ADGRL3: variants seen among roughly 807,000 people sequenced by gnomAD.
ADGRL3 encodes calcium-independent alpha-latrotoxin receptor 3.
In ADGRL3, 62 loss-of-function variants were observed where a neutral mutation model predicts 153.5. That is an observed-to-expected ratio of 0.40 (90% CI 0.33 to 0.50). The LOEUF (loss-of-function observed/expected upper bound fraction) is 0.50, where lower values mean the gene tolerates loss of function less well. ADGRL3 is among the 20% of genes least tolerant of loss of function. The probability of loss-of-function intolerance (pLI) is 0.47; values close to 1 mark genes in which losing one functional copy is unlikely to be tolerated. For synonymous variants in ADGRL3, 710 were observed against 672.5 expected, an observed-to-expected ratio of 1.06 and a Z score of -0.86; for missense variants, 1,641 against 1,859.4, an observed-to-expected ratio of 0.88 and a Z score of 2.16.
intron 9 of ADGRL3, among the ~76,000 whole-genome samples, chr4:61,876,981 A>G (rs2098479761): frequency 6.6e-6 from 1 of 152,006 alleles, no homozygotes; most frequent in Admixed American, 6.6e-5. Flanking sequence ...AGTACACAGG[A>G]AATAAACCCA....
At chr4:61,883,026 G>A (rs2149495839) in intron 9 of ADGRL3, among the ~76,000 whole-genome samples, 1 of 152,308 alleles carries the variant, frequency 6.6e-6, no homozygotes, top group African/African-American at 2.4e-5. Flanking sequence ...TGAGTCAGGA[G>A]AATTGCTTGA....
At chr4:61,755,007 T>A (rs1015239001) in intron 8 of ADGRL3, among the ~76,000 whole-genome samples, 1 of 152,190 alleles carries the variant, frequency 6.6e-6, no homozygotes, top group African/African-American at 2.4e-5. Context: ...ATTTTCTTAA[T>A]CCAGTCTATC....
chr4:61,755,548 A>AT (rs1554021629), intron 8 of ADGRL3, among the ~76,000 whole-genome samples: 1 of 151,690 alleles, frequency 6.6e-6, no homozygotes, highest in Non-Finnish European at 1.5e-5. Context: ...GATTGCAAAA[A>AT]TTTTCTCCCG....
At chr4:61,902,615 C>T (rs2098670726) in intron 11 of ADGRL3, among the ~76,000 whole-genome samples, 1 of 152,084 alleles carries the variant, frequency 6.6e-6, no homozygotes, top group Admixed American at 6.6e-5. Flanking sequence ...GCTGCCTAAA[C>T]TCCAGATATG....
chr4:61,826,060 A>G (rs1200875958), intron 9 of ADGRL3, among the ~76,000 whole-genome samples: 1 of 152,210 alleles, frequency 6.6e-6, no homozygotes. Flanking sequence ...ACAATAGTGA[A>G]TGCCTAGGAG....
At chr4:61,451,391 A>G (rs1037132217) in intron 2 of ADGRL3, among the ~76,000 whole-genome samples, 5 of 152,198 alleles carry the variant, frequency 3.3e-5, no homozygotes, top group Non-Finnish European at 5.9e-5. Flanking sequence ...GGAAGGATTT[A>G]TAAGCTTATG....
At chr4:61,399,253 A>T (rs1271255436) in intron 2 of ADGRL3, among the ~76,000 whole-genome samples, 3 of 151,692 alleles carry the variant, frequency 2.0e-5, no homozygotes, top group Non-Finnish European at 4.4e-5. Flanking sequence ...AAATATGTAA[A>T]ATGCTCAGGA....
chr4:61,724,541 G>A (rs1263762147), intron 6 of ADGRL3, among the ~76,000 whole-genome samples: 1 of 152,154 alleles, frequency 6.6e-6, no homozygotes, highest in Non-Finnish European at 1.5e-5. Context: ...ATTAGGAGGT[G>A]TTAATTTTGG....
chr4:62,040,105 T>C (rs979246852), intron 24 of ADGRL3, among the ~76,000 whole-genome samples: 1 of 152,078 alleles, frequency 6.6e-6, no homozygotes, highest in Non-Finnish European at 1.5e-5. Flanking sequence ...CTAATTTCAT[T>C]GACACTCAGT....
chr4:61,822,762 G>C (rs773398645), intron 9 of ADGRL3, among the ~76,000 whole-genome samples: 12 of 152,032 alleles, frequency 7.9e-5, no homozygotes, highest in Non-Finnish European at 1.3e-4. Context: ...GTTTGTCCTG[G>C]TGGTCTCTAA....
At chr4:61,844,578 ATAT>A (rs2098090123) in intron 9 of ADGRL3, among the ~76,000 whole-genome samples, 8 of 93,506 alleles carry the variant, frequency 8.6e-5, no homozygotes, top group African/African-American at 2.5e-4. Context: ...AAAAAAAAAT[ATAT>A]ATATATATAT....
At chr4:61,771,442 C>G (rs1279004468) in intron 8 of ADGRL3, among the ~76,000 whole-genome samples, 1 of 152,148 alleles carries the variant, frequency 6.6e-6, no homozygotes, top group African/African-American at 2.4e-5. Context: ...CCATTTCCGA[C>G]CATAGAGTAT....
At chr4:62,015,127 G>A (rs957644398) in intron 21 of ADGRL3, among the ~76,000 whole-genome samples, 2 of 152,108 alleles carry the variant, frequency 1.3e-5, no homozygotes, top group Non-Finnish European at 2.9e-5. Context: ...ATCTTGAGCC[G>A]CTCAGTCCTC....
At chr4:61,665,647 A>T (rs2150679254) in intron 5 of ADGRL3, among the ~76,000 whole-genome samples, 1 of 152,284 alleles carries the variant, frequency 6.6e-6, no homozygotes, top group Non-Finnish European at 1.5e-5. Context: ...AATACGCAAA[A>T]TGATATTATT....
chr4:61,300,225 T>C (rs76226838), intron 1 of ADGRL3, among the ~76,000 whole-genome samples: 2,772 of 152,308 alleles, frequency 0.018, 33 homozygotes, highest in Non-Finnish European at 0.03. Flanking sequence ...AATACAAATG[T>C]GTCTAAAGGG....
intron 11 of ADGRL3, among the ~76,000 whole-genome samples, chr4:61,901,125 T>G (rs2098662219): frequency 6.6e-6 from 1 of 152,184 alleles, no homozygotes; most frequent in South Asian, 2.1e-4. Context: ...CAAAGAGAAG[T>G]CAGCTTCCTA....
At chr4:61,845,635 A>C (rs2098107926) in intron 9 of ADGRL3, among the ~76,000 whole-genome samples, 1 of 149,710 alleles carries the variant, frequency 6.7e-6, no homozygotes, top group Non-Finnish European at 1.5e-5. Flanking sequence ...GAGAGTGCTG[A>C]GATTATAGGT....
At chr4:61,981,567 C>T (rs2099068547) in intron 18 of ADGRL3, among the ~76,000 whole-genome samples, 1 of 152,012 alleles carries the variant, frequency 6.6e-6, no homozygotes, top group African/African-American at 2.4e-5. Flanking sequence ...CACTAGCCAA[C>T]TGTTGGTAAA....
intron 2 of ADGRL3, among the ~76,000 whole-genome samples, chr4:61,400,807 G>A (rs2096920899): frequency 9.9e-6 from 1 of 100,584 alleles, no homozygotes. Context: ...CATATGTGCA[G>A]CTAAAGTTAC....
Sources: allele counts gnomAD v4.1 joint callset (sites outside exome capture counted in the v4.1 genomes callset), GRCh38; gene constraint gnomAD v4.1.1; transcripts MANE v1.5; gene names NCBI Gene and HGNC (gene_info 2026-07-23, HGNC 2026-07-21).